ADRA2B: variants seen among roughly 807,000 people sequenced by gnomAD.
The protein encoded by ADRA2B is adrenoceptor alpha 2B.
ADRA2B carries 14 observed loss-of-function variants against 14.4 expected under a neutral mutation model. That is an observed-to-expected ratio of 0.97 (90% CI 0.64 to 1.52). ADRA2B has a LOEUF of 1.52. Ranked by LOEUF, ADRA2B falls within the 40% of genes most tolerant of loss-of-function variation. ADRA2B has a pLI of 0.00. For synonymous variants in ADRA2B, 250 were observed against 263.7 expected, an observed-to-expected ratio of 0.95 and a Z score of 0.50; for missense variants, 606 against 603.2, an observed-to-expected ratio of 1.00 and a Z score of -0.05.
chr2:96,115,290 C>A lies in ADRA2B; in HGVS notation c.860G>T (p.Gly287Val). 6.3e-7 allele frequency: 1 copy of A among 1,579,528 alleles called. No individual in the cohort carries two copies. The highest frequency in any genetic ancestry group is 8.6e-7 in the Non-Finnish European group (1 of 1,162,374). ...ATCCTCTGGAGATGCCCCACAAACA[C>A]CCTCCTTCTGGCCCTGGCCTGAGTT... ...LPNSGQGQKEGVCGASPEDEA... is the reference protein window; with the variant it reads ...LPNSGQGQKEVVCGASPEDEA... Residue 287 changes from glycine (G) to valine (V), a missense_variant, in exon 1 of 1, where the codon GGT becomes GTT. Physicochemically the swap from Gly to Val is moderately radical, Grantham distance 109 (BLOSUM62 -3). Coordinates refer to ENST00000620793, the MANE Select transcript of ADRA2B (RefSeq NM_000682.7).
Position 96,114,426 on chromosome 2 carries a change from C to T in ADRA2B, c.*371G>A. ...AAAACACCACAAGCAAGTGACCTGC[C>T]AGGAACACAAGGTCCTCAAGAAAGG... On this transcript the variant is annotated 3_prime_UTR_variant, in exon 1 of 1. Transcript: ENST00000620793. 1 of 1,032,318 alleles carries T rather than the reference C, an allele frequency of 9.7e-7. No individual in the cohort carries two copies. The highest frequency in any genetic ancestry group is 4.8e-4 in the Middle Eastern group (1 of 2,080). 63.9% of individuals were successfully genotyped at this position (1,032,318 alleles called of 1,614,324 possible).
Position 96,114,792 on chromosome 2 carries a change from C to A in ADRA2B, c.*5G>T. The A allele has an allele frequency of 6.2e-7, 1 of 1,609,014 alleles. No individual in the cohort carries two copies. Among genetic ancestry groups the A allele is most frequent in the South Asian group, 1.1e-5 (1 of 90,534 alleles). ...ACCAACCCCACAGGGGCAGCGCAGG[C>A]GGGCTCACCAGGCCGTCTGGGTCCA... is the stretch of plus-strand genomic sequence containing the variant. On this transcript the variant is annotated 3_prime_UTR_variant, in exon 1 of 1. Coordinates refer to ENST00000620793, the MANE Select transcript of ADRA2B (RefSeq NM_000682.7).
rs1354862709 is a variant in ADRA2B at position 96,115,226 on chromosome 2, T to TTCC, written c.921_923dup (p.Glu309dup). ...CTGGCACTGCCTGGGGTTCACACTC[T>TTCC]TCCTCCTCCTCCTCCTCCTCTTCCT... On this transcript the variant is annotated inframe_insertion, in exon 1 of 1. Coordinates refer to ENST00000620793, the MANE Select transcript of ADRA2B (RefSeq NM_000682.7). The TTCC allele has an allele frequency of 2.9e-5, 44 of 1,539,738 alleles. No homozygotes were observed. The highest frequency in any genetic ancestry group is 1.7e-4 in the East Asian group (7 of 40,548).
Position 96,114,724 on chromosome 2 carries a change from A to T in ADRA2B, c.*73T>A. The T allele has an allele frequency of 6.6e-7, 1 of 1,509,640 alleles. No individual in the cohort carries two copies. Among genetic ancestry groups the T allele is most frequent in the East Asian group, 2.4e-5 (1 of 41,856 alleles). 93.5% of individuals were successfully genotyped at this position (1,509,640 alleles called of 1,614,324 possible). ...AGCAGAAAGCCCAGGGGAGGCAGCC[A>T]CACACAGCAGGGCAAGAAGCAGGGT... On this transcript the variant is annotated 3_prime_UTR_variant, in exon 1 of 1. Transcript: ENST00000620793.
At position 96,114,380 on chromosome 2, in the gene ADRA2B, G is replaced by A. The variant is rs1019914851; in HGVS notation, c.*417C>T. On this transcript the variant is annotated 3_prime_UTR_variant, in exon 1 of 1. Transcript: ENST00000620793. ...CTGGCTCCGTGCTCTTTGTGGGTGGGGGGGAGATGAAAAAGAAACGAAAAC... is the reference window on the plus strand; with the variant it reads ...CTGGCTCCGTGCTCTTTGTGGGTGGAGGGGAGATGAAAAAGAAACGAAAAC... The A allele has an allele frequency of 4.0e-6, 4 of 1,002,014 alleles. No homozygotes were observed. The highest frequency in any genetic ancestry group is 4.8e-6 in the Non-Finnish European group (4 of 839,468). 62.1% of individuals were successfully genotyped at this position (1,002,014 alleles called of 1,614,324 possible).
rs777011279 is a variant in ADRA2B, at chr2:96,115,194, G to A, written c.956C>T (p.Pro319Leu). Residue 319 changes from proline to leucine, a missense_variant, in exon 1 of 1, where the codon CCG becomes CTG. Physicochemically the swap from Pro to Leu is moderately conservative, Grantham distance 98. Coordinates refer to ENST00000620793, the MANE Select transcript of ADRA2B (RefSeq NM_000682.7). ...ECEPQAVPVS[P>L]ASACSPPLQQ... ...CAGCGGGGGGCTGCAAGCTGAGGCC[G>A]GAGACACTGGCACTGCCTGGGGTTC... The A allele has an allele frequency of 3.6e-5, 56 of 1,565,226 alleles. 1 individual carries two copies. Among genetic ancestry groups the A allele is most frequent in the Non-Finnish European group, 4.5e-5 (52 of 1,155,296 alleles).
chr2:96,115,803 C>A lies in ADRA2B; in HGVS notation c.347G>T (p.Arg116Leu), dbSNP rs755785109. Residue 116 changes from arginine (R) to leucine (L), a missense_variant, in exon 1 of 1, where the codon CGC becomes CTC. Coordinates refer to ENST00000620793, the MANE Select transcript of ADRA2B (RefSeq NM_000682.7). The part of the protein sequence containing the change: ...ISLDRYWAVS[R>L]ALEYNSKRTP... Reference sequence around the variant, plus strand: ...GCGCTTGGAGTTGTACTCCAGCGCGCGGCTCACGGCCCAGTAGCGGTCCAG... The same window carrying A: ...GCGCTTGGAGTTGTACTCCAGCGCGAGGCTCACGGCCCAGTAGCGGTCCAG... 9 of 1,613,212 alleles carry A rather than the reference C, an allele frequency of 5.6e-6. No homozygotes were observed. The South Asian group carries it at 9.9e-5, about 18-fold the overall frequency.
At position 96,116,257 on chromosome 2, in the gene ADRA2B, G is replaced by A; in HGVS notation, c.-108C>T. 1.0e-6 allele frequency: 1 copy of A among 969,750 alleles called. No individual in the cohort carries two copies. The highest frequency in any genetic ancestry group is 1.6e-5 in the African/African-American group (1 of 61,400). The allele number at this position is 969,750 out of a possible 1,614,324, so 60.1% of individuals were successfully genotyped here. On this transcript the variant is annotated 5_prime_UTR_variant, in exon 1 of 1. Coordinates refer to ENST00000620793, the MANE Select transcript of ADRA2B (RefSeq NM_000682.7). The stretch of plus-strand genomic sequence containing the variant: ...AGAGCGTCGCCCCTCGGGCGGCGCC[G>A]AGGGCGCTGGAGCCCCATGGCCTGG...
In ADRA2B at chr2:96,113,353, G is replaced by T; in HGVS notation, c.*1444C>A. The T allele has an allele frequency of 2.6e-6, 1 of 390,614 alleles. No homozygotes were observed. The highest frequency in any genetic ancestry group is 6.4e-4 in the Middle Eastern group (1 of 1,566). 24.2% of individuals were successfully genotyped at this position (390,614 alleles called of 1,614,324 possible). On this transcript the variant is annotated 3_prime_UTR_variant, in exon 1 of 1. Transcript: ENST00000620793. ...TTGGGGTGGGACTGAGAACCAGGAA[G>T]CAGGGGTCCTCAATGCACAGCCCCA... is the stretch of plus-strand genomic sequence containing the variant.
rs756829501 is a variant in ADRA2B, at chr2:96,115,631, G to T, written c.519C>A (p.Ile173=). Residue 173 remains isoleucine, a synonymous_variant, in exon 1 of 1, where the codon ATC becomes ATA. Coordinates refer to ENST00000620793, the MANE Select transcript of ADRA2B (RefSeq NM_000682.7). ...AGAAAGATCCGATGCTGGAGGCCAG[G>T]ATGTACCAGGCCTCCTGGTTGAGCT... The part of the protein sequence containing the change: ...QCKLNQEAWY[I]LASSIGSFFA... 6.2e-7 allele frequency: 1 copy of T among 1,613,884 alleles called. No homozygotes were observed. The highest frequency in any genetic ancestry group is 1.1e-5 in the South Asian group (1 of 91,088).
At position 96,115,178 on chromosome 2, in the gene ADRA2B, G is replaced by A; in HGVS notation, c.972C>T (p.Ser324=). The change falls in exon 1 of 1, where the codon AGC becomes AGT. Residue 324 remains serine, a synonymous_variant. Transcript: ENST00000620793. ...AVPVSPASAC[S]PPLQQPQGSR... is the part of the protein sequence containing the mutation. ...AGCCCTGTGGCTGCTGCAGCGGGGGGCTGCAAGCTGAGGCCGGAGACACTG... is the reference window on the plus strand; with the variant it reads ...AGCCCTGTGGCTGCTGCAGCGGGGGACTGCAAGCTGAGGCCGGAGACACTG... 2 of 1,570,480 alleles carry A rather than the reference G, an allele frequency of 1.3e-6. No homozygotes were observed. Among genetic ancestry groups the A allele is most frequent in the Admixed American group, 1.9e-5 (1 of 52,508 alleles).
Position 96,114,837 on chromosome 2 carries a change from C to T in ADRA2B, c.1313G>A (p.Arg438Gln), listed in dbSNP as rs779749286. The T allele has an allele frequency of 1.8e-5, 29 of 1,613,682 alleles. No individual in the cohort carries two copies. The highest frequency in any genetic ancestry group is 1.3e-4 in the East Asian group (6 of 44,888). ...GGTCCACGGGCGGCACAGGATCCTC[C>T]GGAAGGCACGGCGGAAGTCCTGGTT... Reference protein sequence around the residue: ...IFNQDFRRAFRRILCRPWTQT... With the variant: ...IFNQDFRRAFQRILCRPWTQT... The change falls in exon 1 of 1, where the codon CGG becomes CAG. Residue 438 changes from arginine to glutamine, a missense_variant. Arg to Gln is a conservative substitution (Grantham distance 43). Transcript: ENST00000620793.
In ADRA2B at chr2:96,115,476, T is replaced by C; in HGVS notation, c.674A>G (p.His225Arg). ...TTTGGCTGAGGCCAAAGCCCCACCA[T>C]GGTCGGGTCGGGGCTGCTTGGACTC... ...QGESKQPRPD[H>R]GGALASAKLP... The change falls in exon 1 of 1, where the codon CAT (histidine) becomes CGT (arginine). Residue 225 changes from histidine (H) to arginine (R), a missense_variant. By Grantham distance (29) the His-to-Arg change is conservative. Coordinates refer to ENST00000620793, the MANE Select transcript of ADRA2B (RefSeq NM_000682.7). 6.2e-7 allele frequency: 1 copy of C among 1,613,470 alleles called. No individual in the cohort carries two copies. Among genetic ancestry groups the C allele is most frequent in the Non-Finnish European group, 8.5e-7 (1 of 1,179,836 alleles).
At position 96,114,992 on chromosome 2, in the gene ADRA2B, G is replaced by A. The variant is rs1681829927; in HGVS notation, c.1158C>T (p.Pro386=). 1.2e-6 allele frequency: 2 copies of A among 1,613,592 alleles called. No individual in the cohort carries two copies. Among genetic ancestry groups the A allele is most frequent in the Middle Eastern group, 1.6e-4 (1 of 6,062 alleles). Residue 386 remains proline (P), a synonymous_variant, in exon 1 of 1, where the codon CCC becomes CCT. Coordinates refer to ENST00000620793, the MANE Select transcript of ADRA2B (RefSeq NM_000682.7). ...VIGVFVLCWF[P]FFFSYSLGAI... is the part of the protein sequence containing the mutation. Reference sequence around the variant, plus strand: ...CTCCCAGGCTGTAGCTGAAGAAGAAGGGGAACCAGCAGAGCACAAAAACGC... The same window carrying A: ...CTCCCAGGCTGTAGCTGAAGAAGAAAGGGAACCAGCAGAGCACAAAAACGC...
chr2:96,115,508 C>A lies in ADRA2B; in HGVS notation c.642G>T (p.Gly214=), dbSNP rs542064484. 1.2e-6 allele frequency: 2 copies of A among 1,613,728 alleles called. No homozygotes were observed. The highest frequency in any genetic ancestry group is 3.3e-5 in the Admixed American group (2 of 60,030). The part of the protein sequence containing the change: ...RRGPRAKGGP[G]QGESKQPRPD... ...GTCGGGGCTGCTTGGACTCACCCTG[C>A]CCAGGCCCCCCCTTGGCCCTGGGAC... The change falls in exon 1 of 1, where the codon GGG becomes GGT. Residue 214 remains glycine, a synonymous_variant. Coordinates refer to ENST00000620793, the MANE Select transcript of ADRA2B (RefSeq NM_000682.7).
chr2:96,115,501 C>G lies in ADRA2B; in HGVS notation c.649G>C (p.Glu217Gln), dbSNP rs371934652. Residue 217 changes from glutamate (E) to glutamine (Q), a missense_variant, in exon 1 of 1, where the codon GAG becomes CAG. Glu to Gln is a conservative substitution (Grantham distance 29). Coordinates refer to ENST00000620793, the MANE Select transcript of ADRA2B (RefSeq NM_000682.7). Reference sequence around the variant, plus strand: ...TGGTCGGGTCGGGGCTGCTTGGACTCACCCTGCCCAGGCCCCCCCTTGGCC... The same window carrying G: ...TGGTCGGGTCGGGGCTGCTTGGACTGACCCTGCCCAGGCCCCCCCTTGGCC... ...PRAKGGPGQG[E>Q]SKQPRPDHGG... 3 of 1,613,510 alleles carry G rather than the reference C, an allele frequency of 1.9e-6. No homozygotes were observed. In the African/African-American group the frequency reaches 4.0e-5, roughly 22 times the overall value.
chr2:96,113,187 A>G lies in ADRA2B; in HGVS notation c.*1610T>C. The stretch of plus-strand genomic sequence containing the variant: ...GAAAACTCCCTCGGTGCCCTTCCAA[A>G]TCTAGCAGGTCCATCTGGCCCATTC... On this transcript the variant is annotated 3_prime_UTR_variant, in exon 1 of 1. Transcript: ENST00000620793. 1 of 398,584 alleles carries G rather than the reference A, an allele frequency of 2.5e-6. No homozygotes were observed. Among genetic ancestry groups the G allele is most frequent in the East Asian group, 3.6e-5 (1 of 28,054 alleles). The allele number at this position is 398,584 out of a possible 1,614,324, so 24.7% of individuals were successfully genotyped here. A position where few individuals can be genotyped will look rare whatever the true frequency, so the allele number is the denominator to read the frequency against.
Position 96,115,618 on chromosome 2 carries a change from T to C in ADRA2B, c.532A>G (p.Ile178Val), listed in dbSNP as rs746708327. Residue 178 changes from isoleucine (I) to valine (V), a missense_variant, in exon 1 of 1, where the codon ATC becomes GTC. Transcript: ENST00000620793. ...AGGCAAGGAGCAAAGAAAGATCCGA[T>C]GCTGGAGGCCAGGATGTACCAGGCC... Reference protein sequence around the residue: ...QEAWYILASSIGSFFAPCLIM... With the variant: ...QEAWYILASSVGSFFAPCLIM... 8.7e-6 allele frequency: 14 copies of C among 1,613,760 alleles called. No homozygotes were observed. Among genetic ancestry groups the C allele is most frequent in the Non-Finnish European group, 1.2e-5 (14 of 1,179,892 alleles).
In ADRA2B at chr2:96,115,095, A is replaced by T; in HGVS notation, c.1055T>A (p.Ile352Lys). Residue 352 changes from isoleucine (I) to lysine (K), a missense_variant, in exon 1 of 1, where the codon ATA (isoleucine) becomes AAA (lysine). Coordinates refer to ENST00000620793, the MANE Select transcript of ADRA2B (RefSeq NM_000682.7). ...CCGTCGACGCCACCACTGCCCACCT[A>T]TAGCACCCACGCCCCTGCCCAGGAG... The part of the protein sequence containing the change: ...QVLLGRGVGA[I>K]GGQWWRRRAQ... 6.2e-7 allele frequency: 1 copy of T among 1,612,578 alleles called. No homozygotes were observed. The highest frequency in any genetic ancestry group is 8.5e-7 in the Non-Finnish European group (1 of 1,179,426).
Sources: allele counts gnomAD v4.1 joint callset, GRCh38; gene constraint gnomAD v4.1.1; transcripts MANE v1.5; gene names NCBI Gene and HGNC (gene_info 2026-07-23, HGNC 2026-07-21).